Variants in ZFAND3 observed in about 807,000 individuals in gnomAD.
The protein encoded by ZFAND3 is AN1-type zinc finger protein 3.
Under a neutral mutation model 29.6 loss-of-function variants are expected in ZFAND3, and 10 were observed. The ratio of observed to expected loss-of-function variants is 0.34; its 90% CI spans 0.21 to 0.57. The LOEUF is 0.57. Among genes scored for constraint, ZFAND3 ranks in the 20% least tolerant of loss-of-function variants. The pLI, the probability that ZFAND3 is intolerant of heterozygous loss-of-function variation, is 0.86. For missense variants in ZFAND3, 230 were observed against 304.5 expected, an observed-to-expected ratio of 0.76 and a Z score of 1.82; for synonymous variants, 128 against 112.6, an observed-to-expected ratio of 1.14 and a Z score of -0.87.
chr6:37,915,482 T>A (rs1264096051), intron 1 of ZFAND3: 1 of 152,242 alleles, frequency 6.6e-6, no homozygotes, highest in East Asian at 1.9e-4. Context: ...AAGAGACATG[T>A]GACTCTTTTC....
intron 2 of ZFAND3, among the ~76,000 whole-genome samples, chr6:37,974,398 CTCTCT>C (rs1339259824): frequency 7.8e-5 from 7 of 89,618 alleles, no homozygotes; most frequent in African/African-American, 1.7e-4. Flanking sequence ...CTCTCTCTCT[CTCTCT>C]TTTTTTTTTT....
At chr6:38,034,900 T>G (rs1461831524) in intron 2 of ZFAND3, among the ~76,000 whole-genome samples, 1 of 152,184 alleles carries the variant, frequency 6.6e-6, no homozygotes, top group African/African-American at 2.4e-5. Flanking sequence ...TTTTTATTTT[T>G]TCTAAGTATG....
chr6:38,056,752 T>C (rs1340793936), intron 2 of ZFAND3, among the ~76,000 whole-genome samples: 1 of 152,164 alleles, frequency 6.6e-6, no homozygotes, highest in Non-Finnish European at 1.5e-5. Context: ...GCTAGCACCA[T>C]TAGGTCACTT....
intron 4 of ZFAND3, among the ~76,000 whole-genome samples, chr6:38,104,708 T>A (rs6458040): frequency 0.7 from 105,857 of 152,098 alleles, 37,409 homozygotes; most frequent in African/African-American, 0.77. Flanking sequence ...AACAAGTAGA[T>A]TTATTCAGCA....
At chr6:38,012,449 G>A (rs906071735) in intron 2 of ZFAND3, among the ~76,000 whole-genome samples, 3 of 149,888 alleles carry the variant, frequency 2.0e-5, no homozygotes, top group Admixed American at 1.3e-4. Context: ...CGCGATCTTG[G>A]CTCACTGCAA....
In ZFAND3 at chr6:37,898,742, T is replaced by A. The variant is rs138304466; in HGVS notation, c.72-31217T>A. On this transcript the variant is annotated intron_variant, in intron 1 of 5. Coordinates refer to ENST00000287218, the MANE Select transcript of ZFAND3 (RefSeq NM_021943.3). The stretch of plus-strand genomic sequence containing the variant: ...TTTAAATTTCACTTTTTAACTTGTT[T>A]ATTGTTTTAAATGAGGAAATAAAAT... 3.9e-5 allele frequency among the ~76,000 whole-genome samples: 6 copies of A among 152,348 alleles called. 1 individual carries two copies. In the East Asian group the frequency reaches 1.2e-3, roughly 29 times the overall value.
chr6:38,033,467 T>C (rs1763600332), intron 2 of ZFAND3, among the ~76,000 whole-genome samples: 1 of 152,180 alleles, frequency 6.6e-6, no homozygotes, highest in Non-Finnish European at 1.5e-5. Flanking sequence ...CTTCCCCTCG[T>C]CACCTCATTT....
intron 4 of ZFAND3, among the ~76,000 whole-genome samples, chr6:38,090,105 G>C (rs952290241): frequency 1.3e-5 from 2 of 152,220 alleles, no homozygotes; most frequent in East Asian, 3.9e-4. Context: ...TGCCCACCTT[G>C]GCCTCCCAAA....
intron 2 of ZFAND3, among the ~76,000 whole-genome samples, chr6:37,942,768 G>A (rs537046475): frequency 7.1e-4 from 105 of 148,292 alleles, no homozygotes; most frequent in African/African-American, 2.5e-3. Flanking sequence ...ACTAATTCAC[G>A]TCATAGAGAG....
intron 2 of ZFAND3, among the ~76,000 whole-genome samples, chr6:38,026,147 A>C (rs1375312096): frequency 2.0e-5 from 3 of 152,216 alleles, no homozygotes; most frequent in Non-Finnish European, 4.4e-5. Flanking sequence ...CAAGTTCTTC[A>C]GCAAACCTCT....
At chr6:37,858,424 AG>A (rs1764422664) in intron 1 of ZFAND3, among the ~76,000 whole-genome samples, 1 of 152,234 alleles carries the variant, frequency 6.6e-6, no homozygotes, top group African/African-American at 2.4e-5. Context: ...CCGAAAGGTT[AG>A]AATAAGATTG....
chr6:38,032,065 T>C, intron 2 of ZFAND3, among the ~76,000 whole-genome samples: 1 of 152,070 alleles, frequency 6.6e-6, no homozygotes. Context: ...ACTCCTGTGC[T>C]CAAGTGATCC....
At chr6:37,903,172 CTTT>C in intron 1 of ZFAND3, among the ~76,000 whole-genome samples, 1 of 152,146 alleles carries the variant, frequency 6.6e-6, no homozygotes, top group East Asian at 1.9e-4. Context: ...GTTAAAACTT[CTTT>C]ATTTATTGGG....
chr6:38,039,287 G>A (rs1007594657), intron 2 of ZFAND3, among the ~76,000 whole-genome samples: 2 of 152,174 alleles, frequency 1.3e-5, no homozygotes, highest in Non-Finnish European at 2.9e-5. Context: ...AGGGTGTATA[G>A]AATCTCAGTG....
chr6:37,848,210 A>G (rs1764217518), intron 1 of ZFAND3, among the ~76,000 whole-genome samples: 1 of 152,204 alleles, frequency 6.6e-6, no homozygotes, highest in African/African-American at 2.4e-5. Context: ...TGGGCACTCA[A>G]GTTTTATTTT....
chr6:38,058,163 T>G (rs1764167369), intron 2 of ZFAND3, among the ~76,000 whole-genome samples: 1 of 152,202 alleles, frequency 6.6e-6, no homozygotes. Context: ...GATACCAACA[T>G]CCTTCACCTT....
Position 38,061,614 on chromosome 6 carries a change from A to C in ZFAND3, c.134A>C (p.Asp45Ala), listed in dbSNP as rs1764241210. 5 of 1,614,198 alleles carry C rather than the reference A, an allele frequency of 3.1e-6. No homozygotes were observed. The highest frequency in any genetic ancestry group is 3.4e-6 in the Non-Finnish European group (4 of 1,180,028). The change falls in exon 3 of 6, where the codon GAC (aspartate) becomes GCC (alanine). Residue 45 changes from aspartate to alanine, a missense_variant. Physicochemically the swap from Asp to Ala is moderately radical, Grantham distance 126 (BLOSUM62 -2). Around this residue, in one of 2 missense-constraint regions of ZFAND3, gnomAD observed 180 missense variants for 202.5 expected, o/e 0.89. Transcript: ENST00000287218. ...CFADFQKKQP[D>A]DDSAPSTSNS... is the part of the protein sequence containing the mutation. ...TCAGATTTTCAAAAGAAACAGCCAGACGATGATTCCGCTCCAAGTACAAGT... is the reference window on the plus strand; with the variant it reads ...TCAGATTTTCAAAAGAAACAGCCAGCCGATGATTCCGCTCCAAGTACAAGT...
chr6:37,855,314 CTTT>C (rs970061636), intron 1 of ZFAND3, among the ~76,000 whole-genome samples: 1 of 134,398 alleles, frequency 7.4e-6, no homozygotes. Context: ...CTGGCTAACT[CTTT>C]TTTTTTTTTT....
intron 1 of ZFAND3, among the ~76,000 whole-genome samples, chr6:37,859,338 A>C (rs994811731): frequency 6.6e-6 from 1 of 152,112 alleles, no homozygotes; most frequent in Non-Finnish European, 1.5e-5. Flanking sequence ...CTTTTGCTTA[A>C]ATTTTATTTC....
Sources: gnomAD v4.1 joint callset for allele counts (sites outside exome capture counted in the v4.1 genomes callset) on GRCh38, gnomAD v4.1.1 for gene constraint, gnomAD v4.1.1 regional missense constraint, MANE v1.5 for transcripts, NCBI Gene and HGNC (gene_info 2026-07-23, HGNC 2026-07-21) for gene names.